Variants in RETREG1 observed in about 807,000 individuals in gnomAD.
The protein encoded by RETREG1 is reticulophagy regulator 1, also known as family with sequence similarity 134 member B.
RETREG1 carries 44 observed loss-of-function variants against 54.8 expected under a neutral mutation model. That is an observed-to-expected ratio of 0.80 (90% CI 0.63 to 1.03). The LOEUF (loss-of-function observed/expected upper bound fraction) is 1.03, where lower values mean the gene tolerates loss of function less well. RETREG1 is among the 50% of genes least tolerant of loss of function. RETREG1 has a pLI of 0.00. For synonymous variants in RETREG1, 217 were observed against 238.5 expected (o/e 0.91, Z 0.83); for missense variants, 554 against 605.1 (o/e 0.92, Z 0.89).
intron 3 of RETREG1, among the ~76,000 whole-genome samples, chr5:16,557,735 GGCCTCTTCAGCCAAA>G (rs1741748055): frequency 6.6e-6 from 1 of 152,146 alleles, no homozygotes; most frequent in Admixed American, 6.5e-5. Context: ...GGCTCGCCTA[GGCCTCTTCAGCCAAA>G]GATTTACCCA....
chr5:16,577,847 C>T (rs1463411279), intron 1 of RETREG1, among the ~76,000 whole-genome samples: 1 of 152,180 alleles, frequency 6.6e-6, no homozygotes, highest in Non-Finnish European at 1.5e-5. Context: ...CTCATTCTCT[C>T]TTGCCTGCCA....
chr5:16,571,155 GGGA>G (rs1278383925), intron 2 of RETREG1, among the ~76,000 whole-genome samples: 1 of 152,190 alleles, frequency 6.6e-6, no homozygotes, highest in African/African-American at 2.4e-5. Flanking sequence ...GTTGCCATCA[GGGA>G]GGAGATGGGT....
At chr5:16,514,597 T>C (rs193251029) in intron 3 of RETREG1, among the ~76,000 whole-genome samples, 219 of 152,216 alleles carry the variant, frequency 1.4e-3, no homozygotes, top group African/African-American at 5.1e-3. Context: ...ATAAGTTCTT[T>C]AGTGGTGATT....
intron 1 of RETREG1, among the ~76,000 whole-genome samples, chr5:16,573,042 G>C (rs1268103880): frequency 2.0e-5 from 3 of 151,858 alleles, no homozygotes; most frequent in Non-Finnish European, 4.4e-5. Context: ...AGTTAGCCAG[G>C]CATGGTGGCG....
At chr5:16,604,310 G>A (rs893047807) in intron 1 of RETREG1, among the ~76,000 whole-genome samples, 3 of 152,096 alleles carry the variant, frequency 2.0e-5, no homozygotes, top group Admixed American at 1.3e-4. Flanking sequence ...AATCCTCTGA[G>A]CCCCAATATC....
intron 1 of RETREG1, among the ~76,000 whole-genome samples, chr5:16,584,408 A>C (rs947538044): frequency 2.6e-5 from 4 of 152,248 alleles, no homozygotes; most frequent in African/African-American, 9.6e-5. Context: ...ATATTGAATA[A>C]ATGATTTTAA....
intron 3 of RETREG1, among the ~76,000 whole-genome samples, chr5:16,509,948 C>T (rs189785069): frequency 0.011 from 1,734 of 152,182 alleles, 18 homozygotes; most frequent in Middle Eastern, 0.034. Context: ...GAGCCAAGAT[C>T]GTGCCACTGC....
intron 6 of RETREG1, 44 bp downstream of exon 6, chr5:16,478,806 T>C: frequency 6.3e-7 from 1 of 1,578,768 alleles, no homozygotes; most frequent in Non-Finnish European, 8.7e-7. Context: ...AGCTCGCTAA[T>C]GTCTCATTTC....
rs763294641 is a variant in RETREG1 at position 16,571,983 on chromosome 5, T to G, written c.427+13A>C. ...AATTAAATACCATATAAATAAAATC[T>G]GAGTATTCTTACCTCTTGTTCTAGA... On this transcript the variant is annotated intron_variant, in intron 2 of 8. Transcript: ENST00000306320. The G allele has an allele frequency of 1.9e-6, 3 of 1,566,136 alleles. No individual in the cohort carries two copies. Among genetic ancestry groups the G allele is most frequent in the South Asian group, 2.2e-5 (2 of 89,996 alleles).
intron 1 of RETREG1, among the ~76,000 whole-genome samples, chr5:16,609,751 A>C (rs1743288739): frequency 6.6e-6 from 1 of 152,146 alleles, no homozygotes; most frequent in Admixed American, 6.5e-5. Flanking sequence ...TGAAACACAC[A>C]AAGGGCGATC....
At chr5:16,485,176 G>T (rs997980911) in intron 3 of RETREG1, among the ~76,000 whole-genome samples, 1 of 152,106 alleles carries the variant, frequency 6.6e-6, no homozygotes, top group East Asian at 1.9e-4. Context: ...CTGCAAATTG[G>T]CACAGACAGG....
chr5:16,595,903 A>G (rs1410896208), intron 1 of RETREG1, among the ~76,000 whole-genome samples: 1 of 152,194 alleles, frequency 6.6e-6, no homozygotes, highest in African/African-American at 2.4e-5. Context: ...GGGCCAATAC[A>G]GTAAAGTTCC....
At chr5:16,568,670 T>C (rs1469825414) in intron 2 of RETREG1, among the ~76,000 whole-genome samples, 2 of 152,092 alleles carry the variant, frequency 1.3e-5, no homozygotes, top group Non-Finnish European at 2.9e-5. Context: ...AGAATGGTAG[T>C]TGCCAGGGGC....
chr5:16,482,447 G>A (rs1388780370), intron 4 of RETREG1, among the ~76,000 whole-genome samples: 1 of 145,748 alleles, frequency 6.9e-6, no homozygotes, highest in Non-Finnish European at 1.5e-5. Flanking sequence ...AGGTATCTAT[G>A]CTAAAAAAAA....
chr5:16,503,886 CT>C (rs112194947), intron 3 of RETREG1, among the ~76,000 whole-genome samples: 35,685 of 151,318 alleles, frequency 0.24, 4,438 homozygotes, highest in Middle Eastern at 0.31. Context: ...TCCAGCTTCA[CT>C]TTTTTTTTCA....
chr5:16,564,602 C>A (rs755347680), intron 3 of RETREG1, among the ~76,000 whole-genome samples: 12 of 152,184 alleles, frequency 7.9e-5, no homozygotes, highest in Non-Finnish European at 1.8e-4. Context: ...GAGCACAGGG[C>A]AAGACAAATG....
At chr5:16,569,021 G>A (rs1205648322) in intron 2 of RETREG1, among the ~76,000 whole-genome samples, 1 of 152,186 alleles carries the variant, frequency 6.6e-6, no homozygotes, top group African/African-American at 2.4e-5. Context: ...GCAGCTGGCA[G>A]TTCTGATTGA....
At chr5:16,509,476 T>C (rs1355572822) in intron 3 of RETREG1, 2 of 152,170 alleles carry the variant, frequency 1.3e-5, no homozygotes, top group Non-Finnish European at 2.9e-5. Context: ...TTTCATAGTT[T>C]GGCTTGTCAC....
intron 3 of RETREG1, among the ~76,000 whole-genome samples, chr5:16,535,241 A>G (rs1741023667): frequency 6.6e-6 from 1 of 152,248 alleles, no homozygotes; most frequent in African/African-American, 2.4e-5. Flanking sequence ...GTTGGGGTCA[A>G]TCCTTGCAAG....
Sources: gnomAD v4.1 joint callset for allele counts (sites outside exome capture counted in the v4.1 genomes callset) on GRCh38, gnomAD v4.1.1 for gene constraint, MANE v1.5 for transcripts, NCBI Gene and HGNC (gene_info 2026-07-23, HGNC 2026-07-21) for gene names.